ZFYVE28: variants seen among roughly 807,000 people sequenced by gnomAD.
The protein encoded by ZFYVE28 is zinc finger FYVE-type containing 28, also known as lateral signaling target protein 2 homolog.
Under a neutral mutation model 82.1 loss-of-function variants are expected in ZFYVE28, and 40 were observed. The ratio of observed to expected loss-of-function variants is 0.49; its 90% CI spans 0.38 to 0.63. ZFYVE28 has a LOEUF of 0.63. Among genes scored for constraint, ZFYVE28 ranks in the 30% least tolerant of loss-of-function variants. ZFYVE28 has a pLI of 0.00. For synonymous variants in ZFYVE28, 612 were observed against 546.1 expected (o/e 1.12, Z -1.68); for missense variants, 1,321 against 1,242.1 (o/e 1.06, Z -0.96).
At chr4:2,297,229 T>TC (rs970055300) in intron 8 of ZFYVE28, among the ~76,000 whole-genome samples, 1 of 152,218 alleles carries the variant, frequency 6.6e-6, no homozygotes, top group African/African-American at 2.4e-5. Context: ...CACAGGACCC[T>TC]CTGTGTCATG....
chr4:2,292,254 G>A (rs1713836690), intron 8 of ZFYVE28, among the ~76,000 whole-genome samples: 1 of 152,208 alleles, frequency 6.6e-6, no homozygotes, highest in Non-Finnish European at 1.5e-5. Context: ...CACCTTGAAG[G>A]CAGCTGTGGG....
chr4:2,270,986 G>A, intron 12 of ZFYVE28, 130 bp from the exon 13 acceptor site: 1 of 1,389,126 alleles, frequency 7.2e-7, no homozygotes, highest in African/African-American at 1.4e-5. Flanking sequence ...AGCCCCAGCT[G>A]CCAGGGGTTG....
At chr4:2,401,860 C>T (rs1016800067) in intron 1 of ZFYVE28, among the ~76,000 whole-genome samples, 2 of 152,194 alleles carry the variant, frequency 1.3e-5, no homozygotes, top group Non-Finnish European at 2.9e-5. Context: ...ACCTGGGCTG[C>T]GTCCTCTCCT....
chr4:2,401,864 C>T (rs1731222063), intron 1 of ZFYVE28, among the ~76,000 whole-genome samples: 1 of 152,208 alleles, frequency 6.6e-6, no homozygotes, highest in South Asian at 2.1e-4. Context: ...GGGCTGCGTC[C>T]TCTCCTCGAG....
chr4:2,376,364 C>T lies in ZFYVE28; in HGVS notation c.40-22291G>A, dbSNP rs1237524470. ...CCAGCCTGGGCAACATAGTGAGACC[C>T]TATCTCTAAAAAAAAAAAAAAAAAA... On this transcript the variant is annotated intron_variant, in intron 1 of 12. Coordinates refer to ENST00000290974, the MANE Select transcript of ZFYVE28 (RefSeq NM_020972.3). Among the ~76,000 whole-genome samples, 2 of 90,644 alleles carry T rather than the reference C, an allele frequency of 2.2e-5. 1 individual carries two copies. 59.5% of individuals were successfully genotyped at this position (90,644 alleles called of 152,430 possible). A position where few individuals can be genotyped will look rare whatever the true frequency, so the allele number is the denominator to read the frequency against.
intron 4 of ZFYVE28, among the ~76,000 whole-genome samples, chr4:2,337,877 T>TAAACACACACACACAC (rs1553846629): frequency 6.6e-6 from 1 of 150,974 alleles, no homozygotes; most frequent in African/African-American, 2.4e-5. Flanking sequence ...TCTCTTAAAA[T>TAAACACACACACACAC]ACACACACAC....
chr4:2,356,410 C>A (rs1377854512), intron 1 of ZFYVE28, among the ~76,000 whole-genome samples: 1 of 137,960 alleles, frequency 7.2e-6, no homozygotes, highest in Non-Finnish European at 1.6e-5. Flanking sequence ...CCCGCCCCCC[C>A]GGCAGTTGGT....
At chr4:2,352,986 T>C (rs1236484910) in intron 2 of ZFYVE28, among the ~76,000 whole-genome samples, 1 of 152,172 alleles carries the variant, frequency 6.6e-6, no homozygotes, top group African/African-American at 2.4e-5. Context: ...AGAAGGTCTT[T>C]CTAACCTGAG....
intron 8 of ZFYVE28, among the ~76,000 whole-genome samples, chr4:2,284,660 G>C (rs1712457520): frequency 6.6e-6 from 1 of 152,160 alleles, no homozygotes; most frequent in South Asian, 2.1e-4. Flanking sequence ...GGGACATCTT[G>C]TCTCCTCTTA....
chr4:2,417,670 C>G lies in ZFYVE28; in HGVS notation c.39+615G>C, dbSNP rs1047567135. ...GCCGAGGTGTGGGTCAGTCCTGGTTCGGGAAGGGAGGCCGTTGGCAGGGCC... is the reference window on the plus strand; with the variant it reads ...GCCGAGGTGTGGGTCAGTCCTGGTTGGGGAAGGGAGGCCGTTGGCAGGGCC... On this transcript the variant is annotated intron_variant, in intron 1 of 12. Transcript: ENST00000290974. The surrounding 1 kb of genome is among the most constrained non-coding windows in gnomAD (Gnocchi z 4.8). Among the ~76,000 whole-genome samples, 1 of 151,520 alleles carries G rather than the reference C, an allele frequency of 6.6e-6. No homozygotes were observed. The highest frequency in any genetic ancestry group is 1.5e-5 in the Non-Finnish European group (1 of 67,944).
Position 2,301,910 on chromosome 4 carries a change from G to A in ZFYVE28, c.2051+2379C>T, listed in dbSNP as rs564011887. On this transcript the variant is annotated intron_variant, in intron 8 of 12. Coordinates refer to ENST00000290974, the MANE Select transcript of ZFYVE28 (RefSeq NM_020972.3). ...CCAAAAGAAAGAGGAGAGGCTGTTCGCGCGAGGCTGTTCATCGTGGCACGT... is the reference window on the plus strand; with the variant it reads ...CCAAAAGAAAGAGGAGAGGCTGTTCACGCGAGGCTGTTCATCGTGGCACGT... Among the ~76,000 whole-genome samples, 8 of 152,276 alleles carry A rather than the reference G, an allele frequency of 5.3e-5. 1 individual carries two copies. The Middle Eastern group carries it at 0.01, about 194-fold the overall frequency.
intron 7 of ZFYVE28, among the ~76,000 whole-genome samples, chr4:2,319,727 C>T (rs1019544354): frequency 5.9e-5 from 9 of 151,550 alleles, no homozygotes; most frequent in African/African-American, 2.2e-4. Context: ...TGGACACAGA[C>T]GTAAACCAGT....
intron 8 of ZFYVE28, among the ~76,000 whole-genome samples, chr4:2,282,888 C>T (rs79252483): frequency 0.081 from 12,077 of 149,880 alleles, 753 homozygotes; most frequent in African/African-American, 0.18. Flanking sequence ...GGCTAGCCTG[C>T]GTAACATAGC....
chr4:2,277,277 C>T (rs1024340542), intron 8 of ZFYVE28, among the ~76,000 whole-genome samples: 19 of 152,176 alleles, frequency 1.2e-4, no homozygotes, highest in Middle Eastern at 3.4e-3. Context: ...TTCAGGAGTT[C>T]GAGACCAGCC....
chr4:2,367,989 C>A (rs1245508086), intron 1 of ZFYVE28, among the ~76,000 whole-genome samples: 2 of 152,124 alleles, frequency 1.3e-5, no homozygotes, highest in Non-Finnish European at 2.9e-5. Flanking sequence ...GTAGCTCCAG[C>A]CAGCAGAGAC....
chr4:2,308,731 A>G (rs1201580901), intron 7 of ZFYVE28, among the ~76,000 whole-genome samples: 3 of 151,466 alleles, frequency 2.0e-5, no homozygotes, highest in Non-Finnish European at 4.4e-5. Flanking sequence ...AAGAAAAAAG[A>G]AAAGAAAGGA....
chr4:2,288,690 A>C (rs1713144578), intron 8 of ZFYVE28, among the ~76,000 whole-genome samples: 1 of 152,278 alleles, frequency 6.6e-6, no homozygotes, highest in Admixed American at 6.5e-5. Context: ...TAAAACGGGA[A>C]AGTGAGGCTG....
At chr4:2,280,584 A>G (rs969692892) in intron 8 of ZFYVE28, among the ~76,000 whole-genome samples, 5 of 152,238 alleles carry the variant, frequency 3.3e-5, no homozygotes, top group African/African-American at 1.2e-4. Context: ...TGGGGAAGAT[A>G]CTCAAGGTAA....
At chr4:2,329,265 C>G (rs949818302) in intron 6 of ZFYVE28, 2 of 457,868 alleles carry the variant, frequency 4.4e-6, no homozygotes, top group East Asian at 3.2e-5. Context: ...GAATGTCTTT[C>G]TCTTTAATTA....
Sources: allele counts gnomAD v4.1 joint callset (sites outside exome capture counted in the v4.1 genomes callset), GRCh38; gene constraint gnomAD v4.1.1; non-coding constraint Gnocchi (gnomAD v3.1); transcripts MANE v1.5; gene names NCBI Gene and HGNC (gene_info 2026-07-23, HGNC 2026-07-21).